Variants in PDE3B observed in about 807,000 individuals in gnomAD.
PDE3B encodes the protein cGMP-inhibited 3',5'-cyclic phosphodiesterase 3B.
Under a neutral mutation model 116.8 loss-of-function variants are expected in PDE3B, and 66 were observed. The observed-to-expected ratio is 0.56, with a 90% CI of 0.46 to 0.69. The LOEUF is 0.69. Among genes scored for constraint, PDE3B ranks in the 30% least tolerant of loss-of-function variants. The pLI is 0.00. For synonymous variants in PDE3B, 595 were observed against 533.6 expected (o/e 1.12, Z -1.59); for missense variants, 1,384 against 1,368.1 (o/e 1.01, Z -0.18).
chr11:14,819,848 G>A (rs529197610), intron 7 of PDE3B, among the ~76,000 whole-genome samples: 35 of 152,238 alleles, frequency 2.3e-4, no homozygotes, highest in South Asian at 1.7e-3. Flanking sequence ...TGAGCCTGGA[G>A]TTTGGGGCTA....
chr11:14,755,855 T>C (rs768616204), intron 1 of PDE3B, among the ~76,000 whole-genome samples: 38 of 152,232 alleles, frequency 2.5e-4, no homozygotes, highest in Non-Finnish European at 4.4e-4. Context: ...TATACAAAGT[T>C]TGCTAACTGT....
intron 12 of PDE3B, among the ~76,000 whole-genome samples, chr11:14,850,341 G>A (rs1247407848): frequency 7.9e-5 from 12 of 152,074 alleles, no homozygotes; most frequent in Non-Finnish European, 1.6e-4. Context: ...ACTGTTGTAG[G>A]GTGGGGGAAG....
chr11:14,734,360 T>C (rs1856541762), intron 1 of PDE3B, among the ~76,000 whole-genome samples: 2 of 152,220 alleles, frequency 1.3e-5, no homozygotes, highest in Admixed American at 1.3e-4. Flanking sequence ...CATGAGCCAC[T>C]GCACCCAGCC....
At chr11:14,809,897 T>TG (rs1241668180) in intron 5 of PDE3B, among the ~76,000 whole-genome samples, 1 of 151,850 alleles carries the variant, frequency 6.6e-6, no homozygotes, top group East Asian at 1.9e-4. Context: ...AAAGTATTTT[T>TG]TTTTTTTAGG....
chr11:14,869,627 T>G lies in PDE3B; in HGVS notation c.3306T>G (p.Ile1102Met), dbSNP rs1236411490. ...ENSSLPQADE[I>M]QVIEEADEEE ...CCTCCTTACCTCAAGCAGATGAGAT[T>G]CAGGTAATTGAAGAGGCAGATGAAG... is the stretch of plus-strand genomic sequence containing the variant. The change falls in exon 16 of 16, where the codon ATT becomes ATG. Residue 1102 changes from isoleucine to methionine, a missense_variant. Physicochemically the swap from Ile to Met is conservative, Grantham distance 10. This residue lies in a region of PDE3B where 428 missense variants were observed against 561.4 expected (regional missense o/e 0.76). Coordinates refer to ENST00000282096, the MANE Select transcript of PDE3B (RefSeq NM_000922.4). 3 of 1,613,596 alleles carry G rather than the reference T, an allele frequency of 1.9e-6. No homozygotes were observed. The highest frequency in any genetic ancestry group is 2.5e-6 in the Non-Finnish European group (3 of 1,179,922).
intron 1 of PDE3B, among the ~76,000 whole-genome samples, chr11:14,697,124 G>C (rs548485013): frequency 6.6e-6 from 1 of 152,024 alleles, no homozygotes; most frequent in East Asian, 1.9e-4. Context: ...TTTTTATAGA[G>C]GTAGGGTCTT....
chr11:14,677,797 C>G (rs924767144), intron 1 of PDE3B, among the ~76,000 whole-genome samples: 1 of 152,146 alleles, frequency 6.6e-6, no homozygotes, highest in African/African-American at 2.4e-5. Flanking sequence ...AGCATGTAAC[C>G]TTTTGAGACT....
At chr11:14,718,316 A>G (rs919205266) in intron 1 of PDE3B, among the ~76,000 whole-genome samples, 1 of 108,392 alleles carries the variant, frequency 9.2e-6, no homozygotes, top group Non-Finnish European at 1.9e-5. Context: ...CCACACATTA[A>G]TAATGGGAGA....
In PDE3B at chr11:14,656,236, C is replaced by G. The variant is rs12575877; in HGVS notation, c.978+11183C>G. On this transcript the variant is annotated intron_variant, in intron 1 of 15. Transcript: ENST00000282096. ...CTGGTTTGGGAGAAATGCTAAAGAG[C>G]TTGACTATTGATTAATGCATGTTCC... Among the ~76,000 whole-genome samples, 101 of 152,224 alleles carry G rather than the reference C, an allele frequency of 6.6e-4. 4 individuals carry two copies. In the East Asian group the frequency reaches 0.011, roughly 16 times the overall value.
chr11:14,892,352 T>G, the PDE3B span: 2 of 727,098 alleles, frequency 2.8e-6, no homozygotes, highest in African/African-American at 3.5e-5. Context: ...TCAGGCCCCT[T>G]CGGGACAACT....
At chr11:14,878,235 A>G in the PDE3B span, 1 of 1,613,266 alleles carries the variant, frequency 6.2e-7, no homozygotes, top group Non-Finnish European at 8.5e-7. Flanking sequence ...CTCTGAAGCA[A>G]TGCTGTAAAA....
intron 1 of PDE3B, among the ~76,000 whole-genome samples, chr11:14,661,353 C>T (rs577597209): frequency 3.3e-5 from 5 of 152,322 alleles, no homozygotes; most frequent in East Asian, 1.9e-4. Context: ...GGAACAGCTC[C>T]GGTCTACAGC....
In PDE3B at chr11:14,654,673, A is replaced by C. The variant is rs576954490; in HGVS notation, c.978+9620A>C. Among the ~76,000 whole-genome samples, 174 of 152,288 alleles carry C rather than the reference A, an allele frequency of 1.1e-3. 1 individual carries two copies. The highest frequency in any genetic ancestry group is 2.1e-3 in the Non-Finnish European group (144 of 68,018). ...GACTAGAACTAAAGTGCTAGAAAAC[A>C]ATAGCATTTACATTGGAAAGAAGAA... is the stretch of plus-strand genomic sequence containing the variant. On this transcript the variant is annotated intron_variant, in intron 1 of 15. Transcript: ENST00000282096.
At chr11:14,837,790 G>C (rs1009077666) in intron 11 of PDE3B, among the ~76,000 whole-genome samples, 1 of 152,112 alleles carries the variant, frequency 6.6e-6, no homozygotes, top group African/African-American at 2.4e-5. Context: ...AAACCAAATA[G>C]CTATTGCAAT....
At chr11:14,893,553 G>A in the PDE3B span, among the ~76,000 whole-genome samples, 46 of 152,326 alleles carry the variant, frequency 3.0e-4, no homozygotes, top group African/African-American at 1.0e-3. Context: ...TCTTTCTAGA[G>A]ACTGTAGGAG....
At chr11:14,896,204 A>G in the PDE3B span, among the ~76,000 whole-genome samples, 1 of 152,198 alleles carries the variant, frequency 6.6e-6, no homozygotes, top group East Asian at 1.9e-4. Context: ...ATAGAAATGC[A>G]TGAACACTTC....
intron 1 of PDE3B, among the ~76,000 whole-genome samples, chr11:14,686,767 G>A (rs1176801902): frequency 6.6e-6 from 1 of 151,910 alleles, no homozygotes; most frequent in Non-Finnish European, 1.5e-5. Flanking sequence ...AAGCTGGAGT[G>A]CAGTGGCATG....
intron 1 of PDE3B, among the ~76,000 whole-genome samples, chr11:14,678,938 A>G (rs77481943): frequency 0.021 from 3,174 of 152,230 alleles, 114 homozygotes; most frequent in African/African-American, 0.073. Flanking sequence ...ATTTTTGTAT[A>G]AAGTGTTAAG....
intron 7 of PDE3B, among the ~76,000 whole-genome samples, chr11:14,827,415 C>T (rs1859733024): frequency 6.6e-6 from 1 of 152,138 alleles, no homozygotes; most frequent in Non-Finnish European, 1.5e-5. Context: ...ATCTAGAAAA[C>T]CCCGAAGTCT....
Sources: gnomAD v4.1 joint callset for allele counts (sites outside exome capture counted in the v4.1 genomes callset) on GRCh38, gnomAD v4.1.1 for gene constraint, gnomAD v4.1.1 regional missense constraint, MANE v1.5 for transcripts, NCBI Gene and HGNC (gene_info 2026-07-23, HGNC 2026-07-21) for gene names.